URM1: variants seen among roughly 807,000 people sequenced by gnomAD.
The protein encoded by URM1 is ubiquitin related modifier 1.
URM1 carries 11 observed loss-of-function variants against 17.7 expected under a neutral mutation model. The ratio of observed to expected loss-of-function variants is 0.62; its 90% confidence interval spans 0.39 to 1.03. The LOEUF (loss-of-function observed/expected upper bound fraction) is 1.03, where lower values mean the gene tolerates loss of function less well. Among genes scored for constraint, URM1 ranks in the 50% least tolerant of loss-of-function variants. URM1 has a pLI of 0.00. For synonymous variants in URM1, 48 were observed against 50.6 expected, an observed-to-expected ratio of 0.95 and a Z score of 0.22; for missense variants, 128 against 129.2, an observed-to-expected ratio of 0.99 and a Z score of 0.04.
intron 2 of URM1, among the ~76,000 whole-genome samples, chr9:128,383,667 C>T (rs144426604): frequency 0.012 from 1,885 of 152,250 alleles, 32 homozygotes; most frequent in Non-Finnish European, 0.014. Flanking sequence ...AGCCGCTCCA[C>T]AGAGGAGCTG....
chr9:128,386,216 G>A (rs1017833420), intron 2 of URM1, among the ~76,000 whole-genome samples: 17 of 152,310 alleles, frequency 1.1e-4, no homozygotes, highest in African/African-American at 4.1e-4. Context: ...GTCAGACCCC[G>A]GTGGCTCTAT....
rs776817804 is a variant in URM1 at position 128,389,754 on chromosome 9, G to T, written c.*20G>T. 2 of 1,613,226 alleles carry T rather than the reference G, an allele frequency of 1.2e-6. No homozygotes were observed. Among genetic ancestry groups the T allele is most frequent in the Non-Finnish European group, 1.7e-6 (2 of 1,179,998 alleles). ...GGCTGAGGGCCCTTCTCTGGGCCTG[G>T]GCACCCTTAGAGGGGAGAACGAAGC... On this transcript the variant is annotated 3_prime_UTR_variant, in exon 5 of 5. Transcript: ENST00000372853.
At chr9:128,376,308 GC>G (rs1175302038) in intron 1 of URM1, among the ~76,000 whole-genome samples, 1 of 152,152 alleles carries the variant, frequency 6.6e-6, no homozygotes. Flanking sequence ...GTTGTATCAA[GC>G]TGAGATCACG....
At chr9:128,388,191 G>C in intron 3 of URM1, 1 of 1,231,534 alleles carries the variant, frequency 8.1e-7, no homozygotes, top group Non-Finnish European at 1.0e-6. Context: ...GCTTCTCTGG[G>C]CCTCAGTTAC....
chr9:128,379,451 C>T (rs554026085), intron 2 of URM1, among the ~76,000 whole-genome samples: 1 of 152,148 alleles, frequency 6.6e-6, no homozygotes, highest in Admixed American at 6.5e-5. Context: ...TGCACTCCAG[C>T]CTGGGCAACA....
At chr9:128,377,448 G>A (rs1246655984) in intron 1 of URM1, among the ~76,000 whole-genome samples, 12 of 152,146 alleles carry the variant, frequency 7.9e-5, no homozygotes, top group South Asian at 2.1e-4. Flanking sequence ...CAAGGTGGGC[G>A]GATCACCTGA....
chr9:128,376,441 C>T (rs1359267031), intron 1 of URM1, among the ~76,000 whole-genome samples: 2 of 149,010 alleles, frequency 1.3e-5, no homozygotes, highest in South Asian at 2.1e-4. Flanking sequence ...AGGTGGATCA[C>T]GAGGTCAGGA....
chr9:128,389,609 G>A (rs1833278286), intron 4 of URM1, 57 bp from the exon 5 acceptor site: 2 of 1,609,020 alleles, frequency 1.2e-6, no homozygotes, highest in Admixed American at 1.7e-5. Context: ...CCAACTCCTG[G>A]GGTGGACCTG....
chr9:128,389,243 C>T lies in URM1; in HGVS notation c.189-18C>T. 3 of 1,586,268 alleles carry T rather than the reference C, an allele frequency of 1.9e-6. No homozygotes were observed. Among genetic ancestry groups the T allele is most frequent in the Non-Finnish European group, 2.6e-6 (3 of 1,164,210 alleles). On this transcript the variant is annotated intron_variant, in intron 3 of 4. Coordinates refer to ENST00000372853, the MANE Select transcript of URM1 (RefSeq NM_030914.4). ...CCTGCCTCTCACTCCTTGCTACTCA[C>T]CACCATCTTTCCCACAGGCGGCCAG... is the stretch of plus-strand genomic sequence containing the variant.
chr9:128,373,958 C>T (rs1048853658), intron 1 of URM1, among the ~76,000 whole-genome samples: 1 of 152,106 alleles, frequency 6.6e-6, no homozygotes, highest in East Asian at 1.9e-4. Flanking sequence ...GATGAAGATA[C>T]ATCAGAAAAG....
At chr9:128,371,806 G>C (rs1833017439) in intron 1 of URM1, among the ~76,000 whole-genome samples, 1 of 152,196 alleles carries the variant, frequency 6.6e-6, no homozygotes, top group African/African-American at 2.4e-5. Flanking sequence ...CATTCTTTGG[G>C]CAGCAGTTTC....
chr9:128,383,699 T>G (rs1833190249), intron 2 of URM1, among the ~76,000 whole-genome samples: 1 of 152,074 alleles, frequency 6.6e-6, no homozygotes, highest in Admixed American at 6.6e-5. Flanking sequence ...CTGGAGGTGT[T>G]CAAAGAGAGG....
chr9:128,388,369 C>T (rs1833256715), intron 3 of URM1: 1 of 989,704 alleles, frequency 1.0e-6, no homozygotes, highest in Non-Finnish European at 1.2e-6. Context: ...TGCGTGCACA[C>T]ACCCATGCAC....
At chr9:128,386,575 G>A (rs911472044) in intron 2 of URM1, among the ~76,000 whole-genome samples, 29 of 152,266 alleles carry the variant, frequency 1.9e-4, no homozygotes, top group Non-Finnish European at 3.4e-4. Context: ...GCCTGTCAGA[G>A]CGAGGGGGCA....
chr9:128,376,104 G>A (rs1588578645), intron 1 of URM1, among the ~76,000 whole-genome samples: 1 of 151,610 alleles, frequency 6.6e-6, no homozygotes, highest in East Asian at 1.9e-4. Flanking sequence ...CAGGCATGAT[G>A]ACTCACAACT....
chr9:128,372,016 GAACT>G (rs1185822555), intron 1 of URM1, among the ~76,000 whole-genome samples: 9 of 152,138 alleles, frequency 5.9e-5, no homozygotes, highest in South Asian at 2.1e-4. Context: ...ACACTGAAGG[GAACT>G]AACAGGGACA....
intron 1 of URM1, among the ~76,000 whole-genome samples, chr9:128,371,769 G>A (rs1161697237): frequency 6.6e-6 from 1 of 152,194 alleles, no homozygotes; most frequent in Non-Finnish European, 1.5e-5. Flanking sequence ...CTAGAACCTA[G>A]AAGGACCACC....
intron 2 of URM1, among the ~76,000 whole-genome samples, chr9:128,385,267 G>C (rs753974778): frequency 4.6e-5 from 7 of 152,096 alleles, no homozygotes; most frequent in Non-Finnish European, 8.8e-5. Context: ...GAGCTTCACT[G>C]TTTAACACCC....
intron 3 of URM1, chr9:128,388,247 G>A: frequency 8.9e-7 from 1 of 1,122,426 alleles, no homozygotes; most frequent in Non-Finnish European, 1.1e-6. Flanking sequence ...TAGTACAACT[G>A]AAGAGCTAAA....
Sources: gnomAD v4.1 joint callset for allele counts (sites outside exome capture counted in the v4.1 genomes callset) on GRCh38, gnomAD v4.1.1 for gene constraint, MANE v1.5 for transcripts, NCBI Gene and HGNC (gene_info 2026-07-23, HGNC 2026-07-21) for gene names.